The following CARD6 variants were observed in gnomAD, a reference collection of about 807,000 sequenced individuals.
The protein encoded by CARD6 is caspase recruitment domain family member 6.
In CARD6, 27 loss-of-function variants were observed where a neutral mutation model predicts 23.6. That is an observed-to-expected ratio of 1.14 (90% CI 0.84 to 1.58). The LOEUF (loss-of-function observed/expected upper bound fraction) is 1.58, where lower values mean the gene tolerates loss of function less well. Ranked by LOEUF, CARD6 falls within the 40% of genes most tolerant of loss-of-function variation. CARD6 has a pLI of 0.00. For synonymous variants in CARD6, 397 were observed against 431.8 expected, an observed-to-expected ratio of 0.92 and a Z score of 1.00; for missense variants, 1,214 against 1,209.9, an observed-to-expected ratio of 1.00 and a Z score of -0.05.
intron 2 of CARD6, 118 bp from the exon 3 acceptor site, chr5:40,852,056 A>C: frequency 3.1e-6 from 2 of 649,468 alleles, no homozygotes; most frequent in South Asian, 4.1e-5. Context: ...GCCCAGGGTG[A>C]TGATCATGCC....
At chr5:40,850,970 T>C (rs1323983076) in intron 2 of CARD6, among the ~76,000 whole-genome samples, 1 of 152,078 alleles carries the variant, frequency 6.6e-6, no homozygotes, top group Non-Finnish European at 1.5e-5. Context: ...TGAAATAATT[T>C]GCAAGGAATA....
At position 40,854,315 on chromosome 5, in the gene CARD6, AGC is replaced by A; in HGVS notation, c.2984_2985del (p.Ser995ThrfsTer8). 1 of 1,614,160 alleles carries A rather than the reference AGC, an allele frequency of 6.2e-7. No homozygotes were observed. Among genetic ancestry groups the A allele is most frequent in the Non-Finnish European group, 8.5e-7 (1 of 1,180,008 alleles). ...SPCKSTQPKP[S>X]QPWPPQSKPS... ...ATGCAAATCTACTCAGCCTAAGCCA[AGC>A]CAGCCCTGGCCTCCCCAGTCTAAGC... is the stretch of plus-strand genomic sequence containing the variant. On this transcript the variant is annotated frameshift_variant, in exon 3 of 3. Transcript: ENST00000254691. LOFTEE classifies it low-confidence loss of function (END_TRUNC).
chr5:40,846,927 C>T (rs1179841928), intron 2 of CARD6, among the ~76,000 whole-genome samples: 2 of 152,138 alleles, frequency 1.3e-5, no homozygotes, highest in South Asian at 2.1e-4. Context: ...CAAAGCAAGT[C>T]TCAAAGCCAG....
rs753062556 is a variant in CARD6, at chr5:40,843,165, T to C, written c.297T>C (p.His99=). Residue 99 remains histidine (H), a synonymous_variant, in exon 2 of 3, where the codon CAT becomes CAC. Coordinates refer to ENST00000254691, the MANE Select transcript of CARD6 (RefSeq NM_032587.4). ...ICGLRHEVLK[H]ENTVPPQSMG... ...TTTTCTTTGCAGAAGTTTTAAAACA[T>C]GAGAATACAGTACCTCCTCAATCTA... The C allele has an allele frequency of 2.5e-6, 4 of 1,580,734 alleles. No individual in the cohort carries two copies. In the East Asian group the frequency reaches 9.0e-5, roughly 35 times the overall value.
Position 40,843,710 on chromosome 5 carries a change from G to C in CARD6, c.841+1G>C. On this transcript the variant is annotated splice_donor_variant, in intron 2 of 2. Coordinates refer to ENST00000254691, the MANE Select transcript of CARD6 (RefSeq NM_032587.4). LOFTEE classifies it high-confidence loss of function. The stretch of plus-strand genomic sequence containing the variant: ...GAGGAACAGGAGAAAAGTATAGAAG[G>C]TATGGAAATATCTTGTATAGTTAGT... 6.6e-7 allele frequency: 1 copy of C among 1,518,286 alleles called. No individual in the cohort carries two copies. The highest frequency in any genetic ancestry group is 8.8e-7 in the Non-Finnish European group (1 of 1,137,426). The allele number at this position is 1,518,286 out of a possible 1,614,324, so 94.1% of individuals were successfully genotyped here. A position where few individuals can be genotyped will look rare whatever the true frequency, so the allele number is the denominator to read the frequency against.
Position 40,853,998 on chromosome 5 carries a change from C to T in CARD6, c.2666C>T (p.Ser889Phe). ...TEATGKLIRT[S>F]HIGKPHPQSF... Reference sequence around the variant, plus strand: ...GCAACTGGAAAACTGATAAGAACATCCCATATTGGAAAGCCTCACCCTCAG... The same window carrying T: ...GCAACTGGAAAACTGATAAGAACATTCCATATTGGAAAGCCTCACCCTCAG... Residue 889 changes from serine (S) to phenylalanine (F), a missense_variant, in exon 3 of 3, where the codon TCC becomes TTC. By Grantham distance (155) the Ser-to-Phe change is radical (BLOSUM62 -2). Coordinates refer to ENST00000254691, the MANE Select transcript of CARD6 (RefSeq NM_032587.4). 6.2e-7 allele frequency: 1 copy of T among 1,614,154 alleles called. No individual in the cohort carries two copies. The highest frequency in any genetic ancestry group is 8.5e-7 in the Non-Finnish European group (1 of 1,180,022).
At chr5:40,841,792 G>A (rs1745866626) in intron 1 of CARD6, 127 bp downstream of exon 1, 5 of 767,726 alleles carry the variant, frequency 6.5e-6, no homozygotes, top group Non-Finnish European at 1.0e-5. Flanking sequence ...AATTTTCATT[G>A]AAATATGAAA....
Position 40,852,964 on chromosome 5 carries a change from T to C in CARD6, c.1632T>C (p.Gly544=). ...TAGAAAGCTTTTGGACTCAGTTTGG[T>C]TTTTTGATGGAAGTTTCTTCAGCTG... ...GNLESFWTQF[G]FLMEVSSAVF... is the part of the protein sequence containing the mutation. Residue 544 remains glycine (G), a synonymous_variant, in exon 3 of 3, where the codon GGT becomes GGC. Transcript: ENST00000254691. The C allele has an allele frequency of 6.2e-7, 1 of 1,614,116 alleles. No individual in the cohort carries two copies. The highest frequency in any genetic ancestry group is 1.3e-5 in the African/African-American group (1 of 75,028).
intron 2 of CARD6, among the ~76,000 whole-genome samples, chr5:40,845,312 C>T (rs1270736338): frequency 2.0e-5 from 3 of 151,942 alleles, no homozygotes; most frequent in Non-Finnish European, 2.9e-5. Flanking sequence ...GAGTGTGCAC[C>T]CCTTTGGCCA....
Position 40,841,504 on chromosome 5 carries a change from A to T in CARD6, c.122A>T (p.Glu41Val). 6.2e-7 allele frequency: 1 copy of T among 1,614,142 alleles called. No homozygotes were observed. The highest frequency in any genetic ancestry group is 1.3e-5 in the African/African-American group (1 of 75,034). ...TTAACTTCTCGGAGGCTGATTTCTG[A>T]GGAAGAGTATGAGACTCTGGAGAAT... ...DTLTSRRLIS[E>V]EEYETLENVT... is the part of the protein sequence containing the mutation. Residue 41 changes from glutamate to valine, a missense_variant, in exon 1 of 3, where the codon GAG (glutamate) becomes GTG (valine). Transcript: ENST00000254691.
chr5:40,843,455 A>G lies in CARD6; in HGVS notation c.587A>G (p.Asp196Gly), dbSNP rs757995847. The G allele has an allele frequency of 8.1e-6, 13 of 1,613,704 alleles. No individual in the cohort carries two copies. The highest frequency in any genetic ancestry group is 1.0e-5 in the Non-Finnish European group (12 of 1,179,912). The change falls in exon 2 of 3, where the codon GAT (aspartate) becomes GGT (glycine). Residue 196 changes from aspartate (D) to glycine (G), a missense_variant. Coordinates refer to ENST00000254691, the MANE Select transcript of CARD6 (RefSeq NM_032587.4). ...CCAGCAACTATTACATATATAAAAG[A>G]TGGACAGAGATATGAGGAGCTAGAT... ...EVPATITYIK[D>G]GQRYEELDDS...
intron 2 of CARD6, among the ~76,000 whole-genome samples, chr5:40,850,614 C>T (rs575663523): frequency 1.5e-5 from 2 of 137,550 alleles, no homozygotes; most frequent in Admixed American, 1.5e-4. Flanking sequence ...CCCAGCTACT[C>T]GGGAGGGTGA....
At position 40,841,490 on chromosome 5, in the gene CARD6, G is replaced by T. The variant is rs1388146037; in HGVS notation, c.108G>T (p.Arg36=). ...CTATCTTAGACACGTTAACTTCTCG[G>T]AGGCTGATTTCTGAGGAAGAGTATG... ...PDSILDTLTS[R]RLISEEEYET... Residue 36 remains arginine, a synonymous_variant, in exon 1 of 3, where the codon CGG becomes CGT. Coordinates refer to ENST00000254691, the MANE Select transcript of CARD6 (RefSeq NM_032587.4). The T allele has an allele frequency of 6.2e-7, 1 of 1,614,010 alleles. No homozygotes were observed. Among genetic ancestry groups the T allele is most frequent in the Middle Eastern group, 1.6e-4 (1 of 6,062 alleles).
rs954216773 is a variant in CARD6, at chr5:40,843,488, T to C, written c.620T>C (p.Leu207Ser). The change falls in exon 2 of 3, where the codon TTA becomes TCA. Residue 207 changes from leucine (L) to serine (S), a missense_variant. By Grantham distance (145) the Leu-to-Ser change is moderately radical. Coordinates refer to ENST00000254691, the MANE Select transcript of CARD6 (RefSeq NM_032587.4). ...GQRYEELDDS[L>S]YLGKEEYLGS... is the part of the protein sequence containing the mutation. The stretch of plus-strand genomic sequence containing the variant: ...AGATATGAGGAGCTAGATGATTCTT[T>C]ATACTTAGGAAAAGAGGAATATCTA... The C allele has an allele frequency of 2.5e-6, 4 of 1,609,518 alleles. No individual in the cohort carries two copies. Among genetic ancestry groups the C allele is most frequent in the Non-Finnish European group, 3.4e-6 (4 of 1,178,758 alleles).
intron 2 of CARD6, among the ~76,000 whole-genome samples, chr5:40,846,302 C>T (rs899401907): frequency 3.3e-5 from 5 of 152,052 alleles, no homozygotes; most frequent in East Asian, 1.9e-4. Context: ...CATGAGCCAC[C>T]GCGCCTGGCC....
rs377516396 is a variant in CARD6, at chr5:40,846,024, T to C, written c.841+2315T>C. 1.3e-4 allele frequency among the ~76,000 whole-genome samples: 20 copies of C among 151,942 alleles called. No homozygotes were observed. The South Asian group carries it at 1.9e-3, about 14-fold the overall frequency. The stretch of plus-strand genomic sequence containing the variant: ...AATAGATGCAGTATATTCTTTTTTT[T>C]TTTTTTGAGATGGAGGCTCACTCTG... On this transcript the variant is annotated intron_variant, in intron 2 of 2. Transcript: ENST00000254691.
chr5:40,841,689 TG>T (rs765263280), intron 1 of CARD6, 24 bp downstream of exon 1: 14 of 1,576,654 alleles, frequency 8.9e-6, no homozygotes, highest in Admixed American at 1.8e-5. Flanking sequence ...GTATACTTTT[TG>T]GGGTGAGAGG....
chr5:40,841,396 G>T lies in CARD6; in HGVS notation c.14G>T (p.Ser5Ile). The part of the protein sequence containing the change: MATE[S>I]TPSEIIERER... ...GAAACAGGAACAATGGCTACCGAGA[G>T]TACTCCCTCAGAGATCATAGAAAGA... Residue 5 changes from serine (S) to isoleucine (I), a missense_variant, in exon 1 of 3, where the codon AGT becomes ATT. Physicochemically the swap from Ser to Ile is moderately radical, Grantham distance 142. Coordinates refer to ENST00000254691, the MANE Select transcript of CARD6 (RefSeq NM_032587.4). 1 of 1,602,904 alleles carries T rather than the reference G, an allele frequency of 6.2e-7. No homozygotes were observed. The highest frequency in any genetic ancestry group is 2.2e-5 in the East Asian group (1 of 44,734).
Position 40,852,355 on chromosome 5 carries a change from G to T in CARD6, c.1023G>T (p.Arg341Ser). The T allele has an allele frequency of 1.2e-6, 2 of 1,614,040 alleles. No homozygotes were observed. The highest frequency in any genetic ancestry group is 1.7e-5 in the Admixed American group (1 of 59,986). Residue 341 changes from arginine to serine, a missense_variant, in exon 3 of 3, where the codon AGG becomes AGT. Transcript: ENST00000254691. ...TTCAAGCACGAGATGTGACGGCTAG[G>T]GATTCAATCCTCAGTCACAAGGTTC... ...MKVQARDVTA[R>S]DSILSHKVLD...
Sources: allele counts gnomAD v4.1 joint callset (sites outside exome capture counted in the v4.1 genomes callset), GRCh38; gene constraint gnomAD v4.1.1; transcripts MANE v1.5; gene names NCBI Gene and HGNC (gene_info 2026-07-23, HGNC 2026-07-21).